Variants in LRBA observed in about 807,000 individuals in gnomAD.
LRBA encodes the protein lipopolysaccharide-responsive and beige-like anchor protein.
A neutral mutation model predicts 330.0 loss-of-function variants in LRBA; 176 were observed. The observed-to-expected ratio is 0.53, with a 90% CI of 0.47 to 0.60. The LOEUF is 0.60. LRBA is among the 20% of genes least tolerant of loss of function. LRBA has a pLI of 0.00. For missense variants in LRBA, 3,259 were observed against 3,444.8 expected, an observed-to-expected ratio of 0.95 and a Z score of 1.35; for synonymous variants, 1,230 against 1,193.0, an observed-to-expected ratio of 1.03 and a Z score of -0.64.
chr4:150,782,338 C>G (rs187808537), intron 34 of LRBA, among the ~76,000 whole-genome samples: 7 of 152,358 alleles, frequency 4.6e-5, no homozygotes, highest in Admixed American at 4.6e-4. Context: ...CAAATTGCCA[C>G]AAACTTGGTG....
chr4:150,370,723 A>G (rs947508600), intron 47 of LRBA, among the ~76,000 whole-genome samples: 7 of 152,222 alleles, frequency 4.6e-5, no homozygotes. Context: ...AGTGTACCAC[A>G]CTAATGCAAG....
At chr4:150,661,507 T>A (rs1781103999) in intron 37 of LRBA, among the ~76,000 whole-genome samples, 1 of 151,048 alleles carries the variant, frequency 6.6e-6, no homozygotes, top group South Asian at 2.1e-4. Flanking sequence ...AAGAAAGAAC[T>A]TTTACAAATA....
chr4:150,643,805 G>A (rs190828848), intron 37 of LRBA, among the ~76,000 whole-genome samples: 9 of 152,096 alleles, frequency 5.9e-5, no homozygotes, highest in African/African-American at 2.2e-4. Context: ...TGGAAAAAAA[G>A]ATATTTCATG....
chr4:150,509,768 A>G (rs568393208), intron 40 of LRBA, among the ~76,000 whole-genome samples: 40 of 152,338 alleles, frequency 2.6e-4, no homozygotes, highest in Non-Finnish European at 4.3e-4. Context: ...ACAGATTTTT[A>G]GACATTAAAA....
intron 35 of LRBA, among the ~76,000 whole-genome samples, chr4:150,746,838 C>T (rs1057421986): frequency 2.6e-5 from 4 of 151,994 alleles, no homozygotes; most frequent in Non-Finnish European, 4.4e-5. Context: ...TAACCTTTTC[C>T]GGTGCCCTTC....
chr4:150,270,338 C>T (rs529921721), intron 56 of LRBA, among the ~76,000 whole-genome samples: 22 of 152,222 alleles, frequency 1.4e-4, no homozygotes, highest in African/African-American at 2.4e-4. Flanking sequence ...AACAGGTGAA[C>T]GATAAACAGA....
chr4:150,770,347 G>A (rs1736390581), intron 34 of LRBA, among the ~76,000 whole-genome samples: 1 of 151,868 alleles, frequency 6.6e-6, no homozygotes, highest in Non-Finnish European at 1.5e-5. Flanking sequence ...TATCCTATTG[G>A]TTCTATTTCT....
chr4:150,742,198 T>C (rs1582210225), intron 35 of LRBA, among the ~76,000 whole-genome samples: 1 of 148,534 alleles, frequency 6.7e-6, no homozygotes, highest in Non-Finnish European at 1.5e-5. Context: ...CAGGCTGGAG[T>C]GCAGTGGTGC....
At chr4:150,582,356 C>T (rs1771481505) in intron 40 of LRBA, 1 of 152,152 alleles carries the variant, frequency 6.6e-6, no homozygotes, top group African/African-American at 2.4e-5. Flanking sequence ...ACACGACCCC[C>T]CGAGAAGAGA....
chr4:150,534,960 G>A (rs1764486696), intron 40 of LRBA, among the ~76,000 whole-genome samples: 1 of 152,056 alleles, frequency 6.6e-6, no homozygotes, highest in Non-Finnish European at 1.5e-5. Context: ...ACTGATGAGA[G>A]TACATTTCTT....
intron 35 of LRBA, among the ~76,000 whole-genome samples, chr4:150,753,500 G>A (rs937138858): frequency 4.6e-5 from 7 of 151,866 alleles, no homozygotes; most frequent in African/African-American, 9.7e-5. Flanking sequence ...ATGATCCTAC[G>A]TACATAGATG....
At chr4:150,898,784 T>C (rs1052938183) in intron 14 of LRBA, among the ~76,000 whole-genome samples, 3 of 152,094 alleles carry the variant, frequency 2.0e-5, no homozygotes, top group Non-Finnish European at 4.4e-5. Flanking sequence ...CCTAGGACAG[T>C]ACATGATACA....
chr4:150,337,044 A>T (rs774592167), intron 48 of LRBA, among the ~76,000 whole-genome samples: 1 of 152,238 alleles, frequency 6.6e-6, no homozygotes, highest in Non-Finnish European at 1.5e-5. Context: ...CAATGCTAAG[A>T]AGCAAATGTT....
At chr4:150,686,654 C>A (rs1443930251) in intron 36 of LRBA, among the ~76,000 whole-genome samples, 1 of 152,094 alleles carries the variant, frequency 6.6e-6, no homozygotes, top group Non-Finnish European at 1.5e-5. Context: ...CTACTATATC[C>A]ATATCTGTCC....
chr4:150,461,795 A>G (rs1328964980), intron 44 of LRBA, among the ~76,000 whole-genome samples: 1 of 151,794 alleles, frequency 6.6e-6, no homozygotes, highest in East Asian at 1.9e-4. Flanking sequence ...AGGTACCCAG[A>G]TTACTATACA....
chr4:151,014,755 GGA>G lies in LRBA; in HGVS notation c.-115_-114del. 1.5e-6 allele frequency: 1 copy of G among 679,634 alleles called. No individual in the cohort carries two copies. The highest frequency in any genetic ancestry group is 2.5e-6 in the Non-Finnish European group (1 of 399,368). 42.1% of individuals were successfully genotyped at this position (679,634 alleles called of 1,614,324 possible). ...CGAAAGGGTCCCTCTTCCAACTTGT[GGA>G]GATACCCCAAAGCAGTTGATGTGGA... On this transcript the variant is annotated 5_prime_UTR_variant, in exon 2 of 57. Transcript: ENST00000651943.
At chr4:150,769,955 A>G (rs1736320676) in intron 34 of LRBA, among the ~76,000 whole-genome samples, 1 of 152,228 alleles carries the variant, frequency 6.6e-6, no homozygotes, top group Admixed American at 6.5e-5. Context: ...TGACAGGACT[A>G]ACAAATGCCC....
In LRBA at chr4:150,276,268, AT is replaced by A. The variant is rs533105507; in HGVS notation, c.8468+1584del. On this transcript the variant is annotated intron_variant, in intron 56 of 56. Transcript: ENST00000651943. ...AAACTGGACCCCTTCCTTACACCTT[AT>A]ACAAAAATTAACTCAAGATGGATGA... 2.6e-5 allele frequency among the ~76,000 whole-genome samples: 4 copies of A among 152,364 alleles called. No individual in the cohort carries two copies. The East Asian group carries it at 7.7e-4, about 29-fold the overall frequency.
At chr4:150,972,524 TAC>T (rs1739696443) in intron 2 of LRBA, among the ~76,000 whole-genome samples, 2 of 152,212 alleles carry the variant, frequency 1.3e-5, no homozygotes. Context: ...TTATACATTC[TAC>T]GCATGTAACA....
Sources: allele counts gnomAD v4.1 joint callset (sites outside exome capture counted in the v4.1 genomes callset), GRCh38; gene constraint gnomAD v4.1.1; transcripts MANE v1.5; gene names NCBI Gene and HGNC (gene_info 2026-07-23, HGNC 2026-07-21).